FBXW7: variants seen among roughly 807,000 people sequenced by gnomAD.
FBXW7 encodes F-box and WD repeat domain containing 7.
FBXW7 carries 11 observed loss-of-function variants against 86.3 expected under a neutral mutation model. The observed-to-expected ratio is 0.13, with a 90% CI of 0.08 to 0.21. The LOEUF (loss-of-function observed/expected upper bound fraction) is 0.21, where lower values mean the gene tolerates loss of function less well. Among genes scored for constraint, FBXW7 ranks in the 10% least tolerant of loss-of-function variants. FBXW7 has a pLI of 1.00. For synonymous variants in FBXW7, 313 were observed against 297.9 expected, an observed-to-expected ratio of 1.05 and a Z score of -0.52; for missense variants, 488 against 847.4, an observed-to-expected ratio of 0.58 and a Z score of 5.27.
intron 4 of FBXW7, among the ~76,000 whole-genome samples, chr4:152,402,413 T>A (rs2126845088): frequency 6.6e-6 from 1 of 152,280 alleles, no homozygotes; most frequent in East Asian, 1.9e-4. Flanking sequence ...TATACCACAG[T>A]AACAGAGATT....
intron 2 of FBXW7, among the ~76,000 whole-genome samples, chr4:152,511,781 G>A (rs946166928): frequency 6.6e-6 from 1 of 152,044 alleles, no homozygotes; most frequent in South Asian, 2.1e-4. Flanking sequence ...TGTATACTAC[G>A]CTTTTCTCTG....
Position 152,333,020 on chromosome 4 carries a change from A to T in FBXW7, c.862-301T>A, listed in dbSNP as rs28373643. ...TCTGTGAGCCTCAACTCAATTTTTT[A>T]AAAAAAATGTTATTAGTTGTTTAAC... On this transcript the variant is annotated intron_variant, in intron 7 of 13. Coordinates refer to ENST00000281708, the MANE Select transcript of FBXW7 (RefSeq NM_001349798.2). Among the ~76,000 whole-genome samples the T allele has an allele frequency of 6.0e-3, 914 of 151,906 alleles. 7 individuals are homozygous for T. Among genetic ancestry groups the T allele is most frequent in the African/African-American group, 0.015 (630 of 41,478 alleles).
At chr4:152,397,602 G>C (rs1736525864) in intron 4 of FBXW7, among the ~76,000 whole-genome samples, 1 of 142,752 alleles carries the variant, frequency 7.0e-6, no homozygotes, top group South Asian at 2.2e-4. Flanking sequence ...AGCCTGAACA[G>C]TCTTACTGGC....
Position 152,534,946 on chromosome 4 carries a change from T to C in FBXW7, c.-125A>G, listed in dbSNP as rs1002233292. On this transcript the variant is annotated 5_prime_UTR_variant, in exon 2 of 14. Coordinates refer to ENST00000281708, the MANE Select transcript of FBXW7 (RefSeq NM_001349798.2). ...CCTCTCCCGGGGCCACTCACACTTTTAGAAAAGAGCCGCGGCGCCGAGAAA... is the reference window on the plus strand; with the variant it reads ...CCTCTCCCGGGGCCACTCACACTTTCAGAAAAGAGCCGCGGCGCCGAGAAA... The C allele has an allele frequency of 3.3e-5, 5 of 152,158 alleles. No individual in the cohort carries two copies. The highest frequency in any genetic ancestry group is 1.2e-4 in the African/African-American group (5 of 41,438). 9.4% of individuals were successfully genotyped at this position (152,158 alleles called of 1,614,324 possible). A position where few individuals can be genotyped will look rare whatever the true frequency, so the allele number is the denominator to read the frequency against.
intron 2 of FBXW7, among the ~76,000 whole-genome samples, chr4:152,486,373 AT>A (rs2149677857): frequency 1.3e-5 from 2 of 152,354 alleles, no homozygotes; most frequent in African/African-American, 4.8e-5. Context: ...GACTTTTGTA[AT>A]AACATTTAGC....
chr4:152,529,362 G>A (rs1749808867), intron 2 of FBXW7, among the ~76,000 whole-genome samples: 1 of 151,766 alleles, frequency 6.6e-6, no homozygotes, highest in Non-Finnish European at 1.5e-5. Flanking sequence ...TTTTTAAAAG[G>A]AAGAAGAAAA....
chr4:152,471,029 T>C (rs1188555606), intron 2 of FBXW7, among the ~76,000 whole-genome samples: 2 of 152,092 alleles, frequency 1.3e-5, no homozygotes, highest in African/African-American at 2.4e-5. Flanking sequence ...ATATCATAAC[T>C]AGCAGAAAAT....
At chr4:152,531,034 C>T (rs1290398975) in intron 2 of FBXW7, among the ~76,000 whole-genome samples, 1 of 152,180 alleles carries the variant, frequency 6.6e-6, no homozygotes, top group East Asian at 1.9e-4. Flanking sequence ...TATGCATGGC[C>T]TTTGGGGTCA....
chr4:152,375,059 T>C (rs188380388), intron 4 of FBXW7, among the ~76,000 whole-genome samples: 308 of 152,234 alleles, frequency 2.0e-3, no homozygotes, highest in Non-Finnish European at 2.5e-3. Flanking sequence ...CTACTTTAAA[T>C]GAGAATTAAT....
intron 4 of FBXW7, chr4:152,353,097 A>G (rs2126667323): frequency 1.5e-6 from 1 of 678,550 alleles, no homozygotes; most frequent in East Asian, 5.5e-5. Context: ...TTTAAATAGC[A>G]AGGAACATTT....
chr4:152,439,438 GT>G (rs140519290), intron 2 of FBXW7, among the ~76,000 whole-genome samples: 3,215 of 152,094 alleles, frequency 0.021, 114 homozygotes, highest in African/African-American at 0.073. Context: ...TACTGGTTTC[GT>G]TACTACAGAG....
At chr4:152,447,291 G>A (rs1741491368) in intron 2 of FBXW7, among the ~76,000 whole-genome samples, 1 of 152,126 alleles carries the variant, frequency 6.6e-6, no homozygotes, top group Admixed American at 6.6e-5. Context: ...TCTCTATCAT[G>A]GCAAGAACAG....
At chr4:152,503,883 A>G (rs906301715) in intron 2 of FBXW7, among the ~76,000 whole-genome samples, 5 of 152,340 alleles carry the variant, frequency 3.3e-5, no homozygotes, top group African/African-American at 1.2e-4. Context: ...CCCTATGTAA[A>G]GAGTTGAATT....
At chr4:152,359,737 T>C (rs1462754816) in intron 4 of FBXW7, among the ~76,000 whole-genome samples, 7 of 152,030 alleles carry the variant, frequency 4.6e-5, no homozygotes, top group Non-Finnish European at 7.4e-5. Context: ...CACTCCAGCC[T>C]GGGCAAAAAG....
At chr4:152,391,579 A>G (rs1039038696) in intron 4 of FBXW7, among the ~76,000 whole-genome samples, 4 of 152,184 alleles carry the variant, frequency 2.6e-5, no homozygotes, top group Non-Finnish European at 5.9e-5. Flanking sequence ...GGAAGTCTGC[A>G]GCTATAGGGC....
intron 2 of FBXW7, among the ~76,000 whole-genome samples, chr4:152,457,010 T>C (rs946840294): frequency 2.0e-5 from 3 of 152,214 alleles, no homozygotes; most frequent in Admixed American, 2.0e-4. Flanking sequence ...TTGTACTATA[T>C]ACTAAAAATG....
intron 2 of FBXW7, among the ~76,000 whole-genome samples, chr4:152,464,025 G>C (rs1273186916): frequency 6.6e-6 from 1 of 152,128 alleles, no homozygotes; most frequent in Non-Finnish European, 1.5e-5. Flanking sequence ...AAAAGACAAA[G>C]ATTTAGCCAT....
chr4:152,328,059 G>C (rs1729217443), intron 11 of FBXW7, 149 bp downstream of exon 11: 3 of 650,390 alleles, frequency 4.6e-6, no homozygotes, highest in Non-Finnish European at 7.4e-6. Context: ...AAAACGCTAT[G>C]GCTTTCCTAG....
At chr4:152,370,972 T>C (rs1207668923) in intron 4 of FBXW7, among the ~76,000 whole-genome samples, 1 of 151,270 alleles carries the variant, frequency 6.6e-6, no homozygotes, top group Non-Finnish European at 1.5e-5. Context: ...AATTTTACCC[T>C]TCATATTTTA....
Sources: allele counts gnomAD v4.1 joint callset (sites outside exome capture counted in the v4.1 genomes callset), GRCh38; gene constraint gnomAD v4.1.1; transcripts MANE v1.5; gene names NCBI Gene and HGNC (gene_info 2026-07-23, HGNC 2026-07-21).